Variants in RSF1 observed in about 807,000 individuals in gnomAD.
RSF1 encodes remodeling and spacing factor 1, also known as HBV pX-associated protein 8.
In RSF1, 13 loss-of-function variants were observed where a neutral mutation model predicts 145.2. The observed-to-expected ratio is 0.09, with a 90% CI of 0.06 to 0.14. The LOEUF (loss-of-function observed/expected upper bound fraction) is 0.14, where lower values mean the gene tolerates loss of function less well. RSF1 is among the 10% of genes least tolerant of loss of function. The probability of loss-of-function intolerance (pLI) is 1.00; values close to 1 mark genes in which losing one functional copy is unlikely to be tolerated. For synonymous variants in RSF1, 577 were observed against 592.6 expected (o/e 0.97, Z 0.38); for missense variants, 1,517 against 1,718.2 (o/e 0.88, Z 2.07).
At chr11:77,712,883 C>T (rs1367852163) in intron 5 of RSF1, among the ~76,000 whole-genome samples, 1 of 152,220 alleles carries the variant, frequency 6.6e-6, no homozygotes, top group Non-Finnish European at 1.5e-5. Context: ...ACTCCTTCCA[C>T]TGGCACCTAT....
rs572568722 is a variant in RSF1, at chr11:77,660,717, A to C, written c.*6200T>G. 12 of 152,270 alleles carry C rather than the reference A, an allele frequency of 7.9e-5. No individual in the cohort carries two copies. Among genetic ancestry groups the C allele is most frequent in the Middle Eastern group, 3.4e-3 (1 of 294 alleles). 9.4% of individuals were successfully genotyped at this position (152,270 alleles called of 1,614,324 possible). On this transcript the variant is annotated 3_prime_UTR_variant, in exon 16 of 16. Transcript: ENST00000308488. ...CAAAATTCTAAAGATACCATTTATA[A>C]ATTTTTATGTGGAATTTGTATTCTT...
At chr11:77,821,009 T>G (rs1436082928), upstream of RSF1, 4 of 463,968 alleles carry the variant, frequency 8.6e-6, no homozygotes, top group African/African-American at 4.1e-5. Context: ...ACAGGGGGAA[T>G]GAAAACAAGG....
chr11:77,797,772 C>T (rs531977283), intron 1 of RSF1, among the ~76,000 whole-genome samples: 5 of 152,174 alleles, frequency 3.3e-5, no homozygotes, highest in South Asian at 2.1e-4. Context: ...ATCTGACAAA[C>T]GGCTAATATC....
At chr11:77,690,226 A>T (rs984137926) in intron 9 of RSF1, among the ~76,000 whole-genome samples, 12 of 151,994 alleles carry the variant, frequency 7.9e-5, no homozygotes, top group African/African-American at 2.9e-4. Flanking sequence ...GCAATGCTAT[A>T]TTGAAAAGAG....
Position 77,729,895 on chromosome 11 carries a change from C to CAAAA in RSF1, c.579-4200_579-4197dup, listed in dbSNP as rs398045289. ...TATAAATGCCAAATTATTCAGTAGG[C>CAAAA]AAAAAAAAAAAAAAAAAAAAAAAAA... On this transcript the variant is annotated intron_variant, in intron 4 of 15. Coordinates refer to ENST00000308488, the MANE Select transcript of RSF1 (RefSeq NM_016578.4). 2.1e-3 allele frequency among the ~76,000 whole-genome samples: 104 copies of CAAAA among 48,934 alleles called. 9 individuals carry two copies. The highest frequency in any genetic ancestry group is 3.0e-3 in the Non-Finnish European group (67 of 22,360). The allele number at this position is 48,934 out of a possible 152,430, so 32.1% of individuals were successfully genotyped here. A position where few individuals can be genotyped will look rare whatever the true frequency, so the allele number is the denominator to read the frequency against.
intron 1 of RSF1, among the ~76,000 whole-genome samples, chr11:77,807,660 T>C (rs997329497): frequency 2.0e-5 from 3 of 152,032 alleles, no homozygotes; most frequent in Admixed American, 2.0e-4. Flanking sequence ...TTAGGAAAAA[T>C]AGGTAAGAAC....
intron 1 of RSF1, among the ~76,000 whole-genome samples, chr11:77,793,663 C>T (rs12418152): frequency 0.12 from 18,404 of 152,094 alleles, 1,320 homozygotes; most frequent in Admixed American, 0.19. Context: ...GATCTGGCTG[C>T]GACATCTGTC....
At chr11:77,754,119 C>T (rs1466182681) in intron 2 of RSF1, among the ~76,000 whole-genome samples, 1 of 152,142 alleles carries the variant, frequency 6.6e-6, no homozygotes, top group Non-Finnish European at 1.5e-5. Flanking sequence ...TCTACATGGG[C>T]AGGGGGCATT....
intron 4 of RSF1, among the ~76,000 whole-genome samples, chr11:77,738,105 G>A (rs1476168532): frequency 6.6e-6 from 1 of 152,196 alleles, no homozygotes; most frequent in African/African-American, 2.4e-5. Context: ...CTCCCGCCTG[G>A]GCGACAGAGT....
intron 4 of RSF1, among the ~76,000 whole-genome samples, chr11:77,731,142 C>A (rs556744622): frequency 6.6e-6 from 1 of 152,262 alleles, no homozygotes; most frequent in African/African-American, 2.4e-5. Context: ...GCAATATGAA[C>A]AATAAGGCCC....
intron 1 of RSF1, among the ~76,000 whole-genome samples, chr11:77,791,223 A>G (rs1463447939): frequency 2.6e-5 from 4 of 152,146 alleles, no homozygotes; most frequent in African/African-American, 9.7e-5. Flanking sequence ...CAGGCTCAAC[A>G]CCAAATGGAA....
intron 1 of RSF1, among the ~76,000 whole-genome samples, chr11:77,801,515 G>A (rs909151393): frequency 1.3e-5 from 2 of 152,206 alleles, no homozygotes; most frequent in Non-Finnish European, 2.9e-5. Flanking sequence ...CTGAGTGATA[G>A]GGCACTAGCA....
intron 2 of RSF1, 120 bp downstream of exon 2, chr11:77,764,478 G>C (rs914212810): frequency 4.8e-6 from 3 of 626,780 alleles, no homozygotes; most frequent in African/African-American, 3.8e-5. Flanking sequence ...GTGGATTTTG[G>C]AGCCATAGTC....
rs144933651 is a variant in RSF1 at position 77,748,684 on chromosome 11, G to A, written c.280-1556C>T. 3.9e-4 allele frequency among the ~76,000 whole-genome samples: 60 copies of A among 152,248 alleles called. 1 individual carries two copies. In the East Asian group the frequency reaches 0.011, roughly 27 times the overall value. The stretch of plus-strand genomic sequence containing the variant: ...AATAATAAATGTTGGTTGACGATAC[G>A]GAAAAATTTGAATGCTCACAGGTTG... On this transcript the variant is annotated intron_variant, in intron 2 of 15. Transcript: ENST00000308488.
At chr11:77,817,190 T>C (rs1948789909) in intron 1 of RSF1, among the ~76,000 whole-genome samples, 1 of 152,236 alleles carries the variant, frequency 6.6e-6, no homozygotes, top group Non-Finnish European at 1.5e-5. Context: ...TTCCACTTAT[T>C]AAGTAGTCAG....
rs1436064669 is a variant in RSF1 at position 77,660,921 on chromosome 11, T to C, written c.*5996A>G. On this transcript the variant is annotated 3_prime_UTR_variant, in exon 16 of 16. Coordinates refer to ENST00000308488, the MANE Select transcript of RSF1 (RefSeq NM_016578.4). ...AAATTAGAATGGCAAAATTATCAGA[T>C]GGGAAAAAGTACTGACATTTAAACG... 2.0e-5 allele frequency: 3 copies of C among 152,152 alleles called. No individual in the cohort carries two copies. The highest frequency in any genetic ancestry group is 7.2e-5 in the African/African-American group (3 of 41,434). The allele number at this position is 152,152 out of a possible 1,614,324, so 9.4% of individuals were successfully genotyped here.
At chr11:77,710,113 A>C (rs2135865395) in intron 5 of RSF1, among the ~76,000 whole-genome samples, 1 of 152,276 alleles carries the variant, frequency 6.6e-6, no homozygotes, top group South Asian at 2.1e-4. Context: ...TCTAATAATA[A>C]TTCTCTTCTT....
chr11:77,833,374 C>A, the RSF1 span, among the ~76,000 whole-genome samples: 1 of 152,100 alleles, frequency 6.6e-6, no homozygotes, highest in Admixed American at 6.6e-5. Flanking sequence ...GATCATCAGG[C>A]ATTAGATTTT....
Position 77,748,678 on chromosome 11 carries a change from C to T in RSF1, c.280-1550G>A, listed in dbSNP as rs368144782. ...AAAGATAATAATAAATGTTGGTTGACGATACGGAAAAATTTGAATGCTCAC... is the reference window on the plus strand; with the variant it reads ...AAAGATAATAATAAATGTTGGTTGATGATACGGAAAAATTTGAATGCTCAC... On this transcript the variant is annotated intron_variant, in intron 2 of 15. Transcript: ENST00000308488. Among the ~76,000 whole-genome samples, 14 of 152,086 alleles carry T rather than the reference C, an allele frequency of 9.2e-5. No individual in the cohort carries two copies. In the East Asian group the frequency reaches 1.5e-3, roughly 17 times the overall value.
Sources: allele counts gnomAD v4.1 joint callset (sites outside exome capture counted in the v4.1 genomes callset), GRCh38; gene constraint gnomAD v4.1.1; transcripts MANE v1.5; gene names NCBI Gene and HGNC (gene_info 2026-07-23, HGNC 2026-07-21).